ZNF841: variants seen among roughly 807,000 people sequenced by gnomAD.
ZNF841 encodes the protein TCONS_00006091.
In ZNF841, 11 loss-of-function variants were observed where a neutral mutation model predicts 13.0. The ratio of observed to expected loss-of-function variants is 0.85; its 90% CI spans 0.53 to 1.40. ZNF841 has a LOEUF of 1.40. Among genes scored for constraint, ZNF841 ranks in the 40% most tolerant of loss-of-function variants. The pLI, the probability that ZNF841 is intolerant of heterozygous loss-of-function variation, is 0.00. For missense variants in ZNF841, 1,068 were observed against 1,139.5 expected (o/e 0.94, Z 0.90); for synonymous variants, 369 against 381.6 (o/e 0.97, Z 0.38).
chr19:52,081,893 C>T (rs1378803787), intron 4 of ZNF841, among the ~76,000 whole-genome samples: 1 of 152,044 alleles, frequency 6.6e-6, no homozygotes, highest in Non-Finnish European at 1.5e-5. Flanking sequence ...GTTAAAAATA[C>T]AATAACTGAG....
At position 52,066,197 on chromosome 19, in the gene ZNF841, C is replaced by T. The variant is rs749799792; in HGVS notation, c.1685G>A (p.Cys562Tyr). The change falls in exon 7 of 7, where the codon TGT (cysteine) becomes TAT (tyrosine). Residue 562 changes from cysteine (C) to tyrosine (Y), a missense_variant. By Grantham distance (194) the Cys-to-Tyr change is radical (BLOSUM62 -2). Transcript: ENST00000594440. ...ATGGAGAGGTTTCTCTCCAGTATGA[C>T]ATCTCATATGAACCGAAAGGTATCC... ...YGGYLSVHMR[C>Y]HTGEKPLHCN... 6.2e-7 allele frequency: 1 copy of T among 1,613,086 alleles called. No homozygotes were observed.
chr19:52,090,331 T>G (rs2088428080), intron 2 of ZNF841, among the ~76,000 whole-genome samples: 2 of 151,306 alleles, frequency 1.3e-5, no homozygotes, highest in South Asian at 4.2e-4. Flanking sequence ...GAGGCTGAGG[T>G]GGGAGGATTG....
Position 52,076,051 on chromosome 19 carries a change from C to T in ZNF841, c.264G>A (p.Val88=). 6.4e-7 allele frequency: 1 copy of T among 1,552,500 alleles called. No individual in the cohort carries two copies. The highest frequency in any genetic ancestry group is 8.7e-7 in the Non-Finnish European group (1 of 1,147,446). Reference sequence around the variant, plus strand: ...GCCCATCTGAGCTCTTACCGGTGATCACGCCTTTCATGCATTCCCCACAGT... The same window carrying T: ...GCCCATCTGAGCTCTTACCGGTGATTACGCCTTTCATGCATTCCCCACAGT... The part of the protein sequence containing the change: ...NPNCGECMKG[V]ITGISPKCVI... The change falls in exon 6 of 7, where the codon GTG becomes GTA. Residue 88 remains valine, a synonymous_variant. Transcript: ENST00000594440.
At position 52,067,622 on chromosome 19, in the gene ZNF841, A is replaced by T. The variant is rs1166323637; in HGVS notation, c.272-12T>A. 1.8e-5 allele frequency: 26 copies of T among 1,461,768 alleles called. No homozygotes were observed. The highest frequency in any genetic ancestry group is 2.3e-5 in the Non-Finnish European group (25 of 1,102,466). 90.5% of individuals were successfully genotyped at this position (1,461,768 alleles called of 1,614,324 possible). On this transcript the variant is annotated splice_polypyrimidine_tract_variant and intron_variant, in intron 6 of 6. Transcript: ENST00000594440. ...TTTAGGAGAGATACCTGCAAAATAT[A>T]ATGAACATGGGGTTTTAAAATAACT... is the stretch of plus-strand genomic sequence containing the variant.
rs191702150 is a variant in ZNF841 at position 52,094,783 on chromosome 19, T to C, written c.-270+792A>G. 1.6e-3 allele frequency among the ~76,000 whole-genome samples: 242 copies of C among 152,220 alleles called. 2 individuals carry two copies. The highest frequency in any genetic ancestry group is 5.2e-3 in the African/African-American group (217 of 41,534). ...ACTCTTTCACCTTCTCCCCACTGTC[T>C]GTCTGTCTGCAGTGCCTCCTCCTTT... On this transcript the variant is annotated intron_variant, in intron 1 of 6. Transcript: ENST00000594440.
At chr19:52,070,466 T>A (rs1308334369) in intron 6 of ZNF841, among the ~76,000 whole-genome samples, 1 of 152,130 alleles carries the variant, frequency 6.6e-6, no homozygotes, top group Non-Finnish European at 1.5e-5. Flanking sequence ...AGCTGCGCAG[T>A]CCAGAGTAGG....
the ZNF841 span, among the ~76,000 whole-genome samples, chr19:52,059,390 T>TATATATATAC: frequency 0.028 from 2,669 of 94,796 alleles, 83 homozygotes; most frequent in Non-Finnish European, 0.04. Context: ...TATATATATA[T>TATATATATAC]ACACACACAC....
rs1454824452 is a variant in ZNF841 at position 52,076,957 on chromosome 19, C to A, written c.142+1G>T. On this transcript the variant is annotated splice_donor_variant, in intron 5 of 6. Coordinates refer to ENST00000594440, the MANE Select transcript of ZNF841 (RefSeq NM_001136499.2). LOFTEE classifies it high-confidence loss of function. ...AACTTCTGGAGGAAAACTATCCTCA[C>A]CCAGGAAGCCGAGGTTCCTGTAGTT... The A allele has an allele frequency of 6.2e-7, 1 of 1,612,234 alleles. No homozygotes were observed. The highest frequency in any genetic ancestry group is 2.2e-5 in the East Asian group (1 of 44,770).
Position 52,065,361 on chromosome 19 carries a change from T to C in ZNF841, c.2521A>G (p.Arg841Gly). The change falls in exon 7 of 7, where the codon AGA becomes GGA. Residue 841 changes from arginine (R) to glycine (G), a missense_variant. Transcript: ENST00000594440. ...IERSNLVYHQ[R>G]NHTGEKPYKC... ...TATGGCTTCTCTCCAGTATGGTTTC[T>C]CTGATGGTAAACCAAGTTTGACCTT... The C allele has an allele frequency of 1.2e-6, 2 of 1,607,862 alleles. No homozygotes were observed. The highest frequency in any genetic ancestry group is 2.2e-5 in the East Asian group (1 of 44,772).
chr19:52,077,283 C>T (rs1043400069), intron 4 of ZNF841, among the ~76,000 whole-genome samples, 199 bp from the exon 5 acceptor site: 1 of 152,250 alleles, frequency 6.6e-6, no homozygotes. Flanking sequence ...TTATCTAAAT[C>T]GGTGCACATT....
intron 6 of ZNF841, among the ~76,000 whole-genome samples, chr19:52,069,035 T>G (rs372980966): frequency 7.2e-5 from 11 of 152,166 alleles, no homozygotes; most frequent in African/African-American, 2.7e-4. Context: ...CCTACAACTA[T>G]GTAACAAACA....
chr19:52,065,344 C>G lies in ZNF841; in HGVS notation c.2538G>C (p.Glu846Asp), dbSNP rs1323345709. The G allele has an allele frequency of 1.2e-6, 2 of 1,608,562 alleles. No homozygotes were observed. The highest frequency in any genetic ancestry group is 1.7e-6 in the Non-Finnish European group (2 of 1,177,066). ...LVYHQRNHTG[E>D]KPYKCMECGK... ...CACATTCCATACATTTGTATGGCTT[C>G]TCTCCAGTATGGTTTCTCTGATGGT... is the stretch of plus-strand genomic sequence containing the variant. Residue 846 changes from glutamate (E) to aspartate (D), a missense_variant, in exon 7 of 7, where the codon GAG (glutamate) becomes GAC (aspartate). Glu to Asp is a conservative substitution (Grantham distance 45). Transcript: ENST00000594440.
At position 52,064,479 on chromosome 19, in the gene ZNF841, G is replaced by C. The variant is rs1244841165; in HGVS notation, c.*628C>G. The C allele has an allele frequency of 6.6e-6, 1 of 151,488 alleles. No homozygotes were observed. Among genetic ancestry groups the C allele is most frequent in the African/African-American group, 2.4e-5 (1 of 41,162 alleles). The allele number at this position is 151,488 out of a possible 1,614,324, so 9.4% of individuals were successfully genotyped here. On this transcript the variant is annotated 3_prime_UTR_variant, in exon 7 of 7. Coordinates refer to ENST00000594440, the MANE Select transcript of ZNF841 (RefSeq NM_001136499.2). Reference sequence around the variant, plus strand: ...CTGAGGCTAGGTAATGTATAAAGAGGTTTAATTGACTCACAATTTTGCAGG... The same window carrying C: ...CTGAGGCTAGGTAATGTATAAAGAGCTTTAATTGACTCACAATTTTGCAGG...
At chr19:52,078,700 GAA>G (rs57446208) in intron 4 of ZNF841, among the ~76,000 whole-genome samples, 14,095 of 104,376 alleles carry the variant, frequency 0.14, 909 homozygotes, top group South Asian at 0.36. Context: ...CTCCATCTCG[GAA>G]AAAAAAAAAA....
At chr19:52,093,019 G>T (rs1321565024) in intron 2 of ZNF841, among the ~76,000 whole-genome samples, 2 of 152,174 alleles carry the variant, frequency 1.3e-5, no homozygotes, top group African/African-American at 4.8e-5. Context: ...GGGAGGCTGA[G>T]GCAGGAGAAT....
At chr19:52,060,898 G>A (rs945542228), downstream of ZNF841, among the ~76,000 whole-genome samples, 9 of 152,172 alleles carry the variant, frequency 5.9e-5, no homozygotes, top group African/African-American at 1.7e-4. Context: ...CAGAGGGTCC[G>A]GGCATGTGGT....
chr19:52,066,996 TAC>T lies in ZNF841; in HGVS notation c.884_885del (p.Gly295GlufsTer25). 1 of 1,614,166 alleles carries T rather than the reference TAC, an allele frequency of 6.2e-7. No individual in the cohort carries two copies. The highest frequency in any genetic ancestry group is 1.1e-5 in the South Asian group (1 of 91,076). On this transcript the variant is annotated frameshift_variant, in exon 7 of 7. Coordinates refer to ENST00000594440, the MANE Select transcript of ZNF841 (RefSeq NM_001136499.2). LOFTEE classifies it low-confidence loss of function (END_TRUNC). Reference sequence around the variant, plus strand: ...AGTAGTGAGCCCCGATGAAAGGCTTTACCAGACTCATTGCATCTGTAAGGTTT... The same window carrying T: ...AGTAGTGAGCCCCGATGAAAGGCTTTCAGACTCATTGCATCTGTAAGGTTT... ...TEKPYRCNES[G>X]KAFHRGSLLT... is the part of the protein sequence containing the mutation.
chr19:52,087,974 T>C (rs1411373294), intron 3 of ZNF841, among the ~76,000 whole-genome samples: 2 of 151,360 alleles, frequency 1.3e-5, no homozygotes, highest in African/African-American at 4.9e-5. Flanking sequence ...ACTCTCCATA[T>C]TGACATTTAG....
chr19:52,087,196 T>C (rs1187114946), intron 3 of ZNF841, among the ~76,000 whole-genome samples: 1 of 152,214 alleles, frequency 6.6e-6, no homozygotes, highest in Non-Finnish European at 1.5e-5. Flanking sequence ...CAAAGTATTT[T>C]CGTTGTTTTC....
Sources: allele counts gnomAD v4.1 joint callset (sites outside exome capture counted in the v4.1 genomes callset), GRCh38; gene constraint gnomAD v4.1.1; transcripts MANE v1.5; gene names NCBI Gene and HGNC (gene_info 2026-07-23, HGNC 2026-07-21).